Variants in DPP9 observed in about 807,000 individuals in gnomAD.
The protein encoded by DPP9 is dipeptidyl peptidase 9.
A neutral mutation model predicts 110.7 loss-of-function variants in DPP9; 50 were observed. The ratio of observed to expected loss-of-function variants is 0.45; its 90% confidence interval spans 0.36 to 0.57. The LOEUF is 0.57. Ranked by LOEUF, DPP9 falls within the 20% of genes least tolerant of loss-of-function variation. DPP9 has a pLI of 0.00. For missense variants in DPP9, 1,022 were observed against 1,217.9 expected (o/e 0.84, Z 2.39); for synonymous variants, 561 against 514.4 (o/e 1.09, Z -1.23).
intron 16 of DPP9, among the ~76,000 whole-genome samples, chr19:4,686,159 C>G (rs1160168417): frequency 1.3e-5 from 2 of 151,048 alleles, no homozygotes; most frequent in Admixed American, 1.3e-4. Flanking sequence ...GTGATCTTGG[C>G]TCACTGCAAC....
In DPP9 at chr19:4,693,370, C is replaced by T. The variant is rs573833487; in HGVS notation, c.1516+1291G>A. On this transcript the variant is annotated intron_variant, in intron 13 of 21. Coordinates refer to ENST00000262960, the MANE Select transcript of DPP9 (RefSeq NM_139159.5). This position sits in a 1 kb window ranked among gnomAD's most constrained non-coding sequence, Gnocchi z 5.0. Reference sequence around the variant, plus strand: ...GGACACCTGCAATCCCACCAGGAGTCTCGGTTCCCTGAGCTCCAGGCACGG... The same window carrying T: ...GGACACCTGCAATCCCACCAGGAGTTTCGGTTCCCTGAGCTCCAGGCACGG... Among the ~76,000 whole-genome samples the T allele has an allele frequency of 1.5e-3, 234 of 152,252 alleles. 2 individuals are homozygous for T. Among genetic ancestry groups the T allele is most frequent in the Middle Eastern group, 0.014 (4 of 294 alleles).
Position 4,685,077 on chromosome 19 carries a change from C to G in DPP9, c.2032-268G>C. The G allele has an allele frequency of 1.6e-6, 1 of 640,158 alleles. No homozygotes were observed. The highest frequency in any genetic ancestry group is 1.5e-5 in the South Asian group (1 of 66,164). The allele number at this position is 640,158 out of a possible 1,614,324, so 39.7% of individuals were successfully genotyped here. A position where few individuals can be genotyped will look rare whatever the true frequency, so the allele number is the denominator to read the frequency against. Reference sequence around the variant, plus strand: ...CCCAGTCCTGCCTGGAACAACTACTCTGGCATGATGGACATTGGGGTGGCT... The same window carrying G: ...CCCAGTCCTGCCTGGAACAACTACTGTGGCATGATGGACATTGGGGTGGCT... On this transcript the variant is annotated intron_variant, in intron 17 of 21. Transcript: ENST00000262960. The surrounding 1 kb of genome is among the most constrained non-coding windows in gnomAD (Gnocchi z 5.8).
At chr19:4,714,367 A>C (rs564691562) in intron 3 of DPP9, 30 bp from the exon 4 acceptor site, 1 of 1,462,668 alleles carries the variant, frequency 6.8e-7, no homozygotes. Flanking sequence ...ACTATGAGAA[A>C]GGAGAACTGT....
Position 4,722,124 on chromosome 19 carries a change from C to T in DPP9, c.-36+375G>A, listed in dbSNP as rs1262531293. On this transcript the variant is annotated intron_variant, in intron 2 of 21. Coordinates refer to ENST00000262960, the MANE Select transcript of DPP9 (RefSeq NM_139159.5). ...CTAGCATTGTCAACTAAACAAGATA[C>T]TCAAAACCACAGGAAGGGGGAGACT... The T allele has an allele frequency of 2.2e-5, 5 of 231,604 alleles. No individual in the cohort carries two copies. In the East Asian group the frequency reaches 4.2e-4, roughly 20 times the overall value. 14.3% of individuals were successfully genotyped at this position (231,604 alleles called of 1,614,324 possible).
At position 4,684,942 on chromosome 19, in the gene DPP9, A is replaced by G. The variant is rs752486117; in HGVS notation, c.2032-133T>C. 1.5e-5 allele frequency: 18 copies of G among 1,223,798 alleles called. No individual in the cohort carries two copies. The highest frequency in any genetic ancestry group is 2.1e-5 in the Non-Finnish European group (18 of 860,286). The allele number at this position is 1,223,798 out of a possible 1,614,324, so 75.8% of individuals were successfully genotyped here. On this transcript the variant is annotated intron_variant, in intron 17 of 21. Coordinates refer to ENST00000262960, the MANE Select transcript of DPP9 (RefSeq NM_139159.5). The surrounding 1 kb of genome is among the most constrained non-coding windows in gnomAD (Gnocchi z 4.8). ...CCTAATGAAAGCACCTGTGCCCCGG[A>G]GGCTCTGGATGGACACCTGGGAGTG...
rs192740478 is a variant in DPP9, at chr19:4,704,955, G to A, written c.427-651C>T. Reference sequence around the variant, plus strand: ...AGAGGTTGCAGTGAGCCGAGATTGCGCCACTGCACTATAGCCTGAGTGACA... The same window carrying A: ...AGAGGTTGCAGTGAGCCGAGATTGCACCACTGCACTATAGCCTGAGTGACA... On this transcript the variant is annotated intron_variant, in intron 5 of 21. Coordinates refer to ENST00000262960, the MANE Select transcript of DPP9 (RefSeq NM_139159.5). The surrounding 1 kb of genome is among the most constrained non-coding windows in gnomAD (Gnocchi z 6.0). Among the ~76,000 whole-genome samples, 3 of 152,124 alleles carry A rather than the reference G, an allele frequency of 2.0e-5. No individual in the cohort carries two copies. Among genetic ancestry groups the A allele is most frequent in the East Asian group, 1.9e-4 (1 of 5,176 alleles).
Position 4,693,455 on chromosome 19 carries a change from G to A in DPP9, c.1516+1206C>T, listed in dbSNP as rs911851124. 2.6e-5 allele frequency among the ~76,000 whole-genome samples: 4 copies of A among 152,068 alleles called. No homozygotes were observed. Among genetic ancestry groups the A allele is most frequent in the African/African-American group, 7.2e-5 (3 of 41,396 alleles). On this transcript the variant is annotated intron_variant, in intron 13 of 21. Transcript: ENST00000262960. This position sits in a 1 kb window ranked among gnomAD's most constrained non-coding sequence, Gnocchi z 5.0. ...CCTCAACTTGAACACATCCAAACCC[G>A]ACTCTGGATTTTTTCTCTCCTAGAA...
chr19:4,720,837 G>A (rs2093287913), intron 2 of DPP9, among the ~76,000 whole-genome samples: 1 of 152,168 alleles, frequency 6.6e-6, no homozygotes, highest in Non-Finnish European at 1.5e-5. Flanking sequence ...TGAGTTCAAC[G>A]CCTACGCTCA....
chr19:4,679,789 G>C (rs776790477), intron 21 of DPP9, 46 bp downstream of exon 21: 41 of 1,459,526 alleles, frequency 2.8e-5, no homozygotes, highest in Admixed American at 3.8e-5. Context: ...CACTCCCAGG[G>C]ATCTGTCGGC....
intron 3 of DPP9, among the ~76,000 whole-genome samples, chr19:4,716,853 A>C (rs1436157410): frequency 1.3e-5 from 2 of 152,154 alleles, no homozygotes; most frequent in Admixed American, 6.5e-5. Context: ...CTGTGTGATA[A>C]GCCCAGCAAT....
chr19:4,679,100 C>A, intron 21 of DPP9, among the ~76,000 whole-genome samples: 1 of 151,658 alleles, frequency 6.6e-6, no homozygotes. Flanking sequence ...AAGCCCCACC[C>A]TCCTCACCGC....
chr19:4,713,235 G>A (rs920669238), intron 4 of DPP9, among the ~76,000 whole-genome samples: 8 of 152,204 alleles, frequency 5.3e-5, no homozygotes, highest in African/African-American at 1.7e-4. Flanking sequence ...CATGTGTCAC[G>A]CTGCTTTCAA....
At position 4,718,197 on chromosome 19, in the gene DPP9, G is replaced by C. The variant is rs1012125418; in HGVS notation, c.56+1654C>G. On this transcript the variant is annotated intron_variant, in intron 3 of 21. Coordinates refer to ENST00000262960, the MANE Select transcript of DPP9 (RefSeq NM_139159.5). The surrounding 1 kb of genome is among the most constrained non-coding windows in gnomAD (Gnocchi z 4.3). Reference sequence around the variant, plus strand: ...GGTCTAGCAAATAGCTGGGATGAGAGGGGTGCAAGCCACCGTGCCCAGCTC... The same window carrying C: ...GGTCTAGCAAATAGCTGGGATGAGACGGGTGCAAGCCACCGTGCCCAGCTC... Among the ~76,000 whole-genome samples the C allele has an allele frequency of 1.3e-5, 2 of 152,190 alleles. No homozygotes were observed. The highest frequency in any genetic ancestry group is 6.5e-5 in the Admixed American group (1 of 15,280).
At chr19:4,714,583 G>T (rs1057310313) in intron 3 of DPP9, among the ~76,000 whole-genome samples, 1 of 151,998 alleles carries the variant, frequency 6.6e-6, no homozygotes, top group Non-Finnish European at 1.5e-5. Context: ...GGAGATGGGG[G>T]TCTCAACTAT....
At chr19:4,680,235 CAAAAA>C (rs71168922) in intron 20 of DPP9, among the ~76,000 whole-genome samples, 1 of 70,870 alleles carries the variant, frequency 1.4e-5, no homozygotes. Context: ...GACAGCATCT[CAAAAA>C]AAAAAAAAAA....
At chr19:4,679,490 T>A in intron 21 of DPP9, 1 of 311,182 alleles carries the variant, frequency 3.2e-6, no homozygotes, top group Non-Finnish European at 6.2e-6. Flanking sequence ...AGCGGTTTCT[T>A]CTACGCAATT....
At chr19:4,683,177 C>A in intron 19 of DPP9, 1 of 1,437,016 alleles carries the variant, frequency 7.0e-7, no homozygotes. Flanking sequence ...CCGCTCTGCA[C>A]ACCATGCCCC....
chr19:4,702,133 C>T lies in DPP9; in HGVS notation c.906G>A (p.Leu302=). ...CATCGACTTCCTCATACAGGATTCG[C>T]AGCGTCTTGAGGCCCTCTGAACCTT... ...SWEGSEGLKT[L]RILYEEVDES... Residue 302 remains leucine, a synonymous_variant, in exon 9 of 22, where the codon CTG becomes CTA. Transcript: ENST00000262960. 6.2e-7 allele frequency: 1 copy of T among 1,613,582 alleles called. No homozygotes were observed. The highest frequency in any genetic ancestry group is 8.5e-7 in the Non-Finnish European group (1 of 1,179,598).
At position 4,718,894 on chromosome 19, in the gene DPP9, G is replaced by C. The variant is rs960681360; in HGVS notation, c.56+957C>G. ...GAAAATTGAATACTGAGAAAGGTTC[G>C]CAGGGTCGAGGAATTCCTACCGCCT... is the stretch of plus-strand genomic sequence containing the variant. On this transcript the variant is annotated intron_variant, in intron 3 of 21. Coordinates refer to ENST00000262960, the MANE Select transcript of DPP9 (RefSeq NM_139159.5). The surrounding 1 kb of genome is among the most constrained non-coding windows in gnomAD (Gnocchi z 4.3). Among the ~76,000 whole-genome samples the C allele has an allele frequency of 6.6e-6, 1 of 152,118 alleles. No individual in the cohort carries two copies. The highest frequency in any genetic ancestry group is 1.9e-4 in the East Asian group (1 of 5,194).
Sources: allele counts gnomAD v4.1 joint callset (sites outside exome capture counted in the v4.1 genomes callset), GRCh38; gene constraint gnomAD v4.1.1; non-coding constraint Gnocchi (gnomAD v3.1); transcripts MANE v1.5; gene names NCBI Gene and HGNC (gene_info 2026-07-23, HGNC 2026-07-21).